ITSN1: variants seen among roughly 807,000 people sequenced by gnomAD.
ITSN1 encodes intersectin-1.
In ITSN1, 58 loss-of-function variants were observed where a neutral mutation model predicts 239.8. That is an observed-to-expected ratio of 0.24 (90% CI 0.20 to 0.30). The LOEUF (loss-of-function observed/expected upper bound fraction) is 0.30, where lower values mean the gene tolerates loss of function less well. ITSN1 is among the 10% of genes least tolerant of loss of function. ITSN1 has a pLI of 1.00. For synonymous variants in ITSN1, 780 were observed against 770.8 expected, an observed-to-expected ratio of 1.01 and a Z score of -0.20; for missense variants, 1,558 against 2,103.3, an observed-to-expected ratio of 0.74 and a Z score of 5.07.
intron 1 of ITSN1, among the ~76,000 whole-genome samples, chr21:33,692,427 G>A (rs62227745): frequency 0.26 from 39,417 of 152,074 alleles, 5,580 homozygotes; most frequent in Middle Eastern, 0.37. Flanking sequence ...GAATCAGTGG[G>A]AGTTTGCCTC....
intron 29 of ITSN1, among the ~76,000 whole-genome samples, chr21:33,853,962 T>C (rs74793893): frequency 0.025 from 3,761 of 152,306 alleles, 69 homozygotes; most frequent in African/African-American, 0.055. Flanking sequence ...TTCTTAGCTA[T>C]GCCCTGGAGG....
intron 1 of ITSN1, among the ~76,000 whole-genome samples, chr21:33,655,712 C>T (rs1010534541): frequency 6.0e-5 from 9 of 151,068 alleles, no homozygotes; most frequent in African/African-American, 1.7e-4. Context: ...GAATTACAGG[C>T]GTGAGCCACT....
intron 9 of ITSN1, 98 bp downstream of exon 9, chr21:33,762,084 A>T (rs1045367194): frequency 7.1e-6 from 6 of 841,634 alleles, no homozygotes; most frequent in Non-Finnish European, 1.2e-5. Context: ...TTTATGGGGG[A>T]ATATGTAGAA....
intron 16 of ITSN1, among the ~76,000 whole-genome samples, chr21:33,791,919 G>A (rs2071166297): frequency 6.6e-6 from 1 of 151,834 alleles, no homozygotes; most frequent in Admixed American, 6.6e-5. Flanking sequence ...TTTCTCTTCC[G>A]GCATTTCTTA....
chr21:33,829,880 C>A, intron 27 of ITSN1, 135 bp downstream of exon 27: 1 of 984,578 alleles, frequency 1.0e-6, no homozygotes, highest in Non-Finnish European at 1.5e-6. Flanking sequence ...GTGAGAGATG[C>A]CAAATTTTCT....
intron 39 of ITSN1, among the ~76,000 whole-genome samples, chr21:33,887,252 G>A (rs757269895): frequency 8.6e-5 from 13 of 151,542 alleles, no homozygotes; most frequent in Middle Eastern, 3.2e-3. Flanking sequence ...CTGGGAGGTC[G>A]AGGCTGCAGT....
intron 16 of ITSN1, among the ~76,000 whole-genome samples, chr21:33,787,790 AGCCAT>A (rs1183195522): frequency 1.3e-5 from 2 of 152,236 alleles, no homozygotes; most frequent in African/African-American, 4.8e-5. Context: ...GAATTCAAAT[AGCCAT>A]GTTGCTTTGT....
At chr21:33,682,753 C>T (rs910741073) in intron 1 of ITSN1, among the ~76,000 whole-genome samples, 1 of 152,076 alleles carries the variant, frequency 6.6e-6, no homozygotes, top group Non-Finnish European at 1.5e-5. Context: ...ATCTCCTGAC[C>T]TCAGGTGATC....
intron 31 of ITSN1, among the ~76,000 whole-genome samples, chr21:33,859,946 C>T (rs1343321450): frequency 3.3e-5 from 5 of 152,330 alleles, no homozygotes; most frequent in South Asian, 2.1e-4. Context: ...GGCTCACATC[C>T]GCTATTGCCT....
rs551779268 is a variant in ITSN1, at chr21:33,849,819, C to T, written c.3662-6917C>T. Among the ~76,000 whole-genome samples the T allele has an allele frequency of 7.2e-5, 11 of 152,176 alleles. No homozygotes were observed. The South Asian group carries it at 2.3e-3, about 32-fold the overall frequency. On this transcript the variant is annotated intron_variant, in intron 29 of 39. Transcript: ENST00000381318. ...GTACCCACAAAACTTAAAAATAAAA[C>T]AAAAACCAACAGGCTCCTCCTTCAT...
chr21:33,858,874 TC>T, intron 31 of ITSN1, 82 bp downstream of exon 31: 2 of 719,154 alleles, frequency 2.8e-6, no homozygotes, highest in Non-Finnish European at 4.8e-6. Flanking sequence ...TGTGTGTCCT[TC>T]TTGCATGCTG....
chr21:33,774,094 T>G (rs1399021225), intron 12 of ITSN1, among the ~76,000 whole-genome samples: 1 of 152,232 alleles, frequency 6.6e-6, no homozygotes, highest in Non-Finnish European at 1.5e-5. Flanking sequence ...GAGTATTTAT[T>G]CAGAATTATT....
In ITSN1 at chr21:33,795,014, T is replaced by G. The variant is rs567198535; in HGVS notation, c.1952+546T>G. ...GATATTTTTATTTTTACTTGTAACT[T>G]ACTGTAGTAAATTGTAGAAATTTGT... On this transcript the variant is annotated intron_variant, in intron 17 of 39. Transcript: ENST00000381318. Among the ~76,000 whole-genome samples the G allele has an allele frequency of 1.6e-4, 24 of 152,370 alleles. No individual in the cohort carries two copies. The South Asian group carries it at 4.6e-3, about 29-fold the overall frequency.
At chr21:33,750,480 C>CA (rs1292359026) in intron 6 of ITSN1, among the ~76,000 whole-genome samples, 158 bp downstream of exon 6, 1 of 151,830 alleles carries the variant, frequency 6.6e-6, no homozygotes, top group East Asian at 1.9e-4. Context: ...ACATTTTTTC[C>CA]ACTGTATTAA....
intron 14 of ITSN1, 100 bp from the exon 15 acceptor site, chr21:33,781,361 G>A: frequency 1.5e-6 from 1 of 688,112 alleles, no homozygotes; most frequent in South Asian, 1.8e-5. Flanking sequence ...GCAGGATTTG[G>A]GAAGAGTCTG....
At chr21:33,839,894 C>T (rs1474780926) in intron 29 of ITSN1, among the ~76,000 whole-genome samples, 3 of 152,158 alleles carry the variant, frequency 2.0e-5, no homozygotes. Context: ...AGGGATGCTG[C>T]TCCTCATCCT....
chr21:33,722,604 CTT>C lies in ITSN1; in HGVS notation c.146_147del (p.Phe49SerfsTer17). On this transcript the variant is annotated frameshift_variant, in exon 4 of 40. Transcript: ENST00000381318. LOFTEE classifies it high-confidence loss of function. Reference protein sequence around the residue: ...GFITGDQARNFFFQSGLPQPV... With the variant: ...GFITGDQARNXFFQSGLPQPV... The stretch of plus-strand genomic sequence containing the variant: ...AATTTACAGGTGATCAAGCTAGAAA[CTT>C]TTTTTTTCAATCTGGGTTACCTCAA... The C allele has an allele frequency of 6.7e-7, 1 of 1,495,970 alleles. No individual in the cohort carries two copies. The highest frequency in any genetic ancestry group is 8.9e-7 in the Non-Finnish European group (1 of 1,121,528). 92.7% of individuals were successfully genotyped at this position (1,495,970 alleles called of 1,614,324 possible). A position where few individuals can be genotyped will look rare whatever the true frequency, so the allele number is the denominator to read the frequency against.
chr21:33,858,700 C>G lies in ITSN1; in HGVS notation c.3798C>G (p.Pro1266=). The part of the protein sequence containing the change: ...LQLVTEIFQK[P]LMESELLTEK... ...TGCATCTGTAGATTTTTCAAAAACC[C>G]CTGATGGAGTCTGAGCTGCTGACAG... Residue 1266 remains proline, a synonymous_variant, in exon 31 of 40, where the codon CCC becomes CCG. Coordinates refer to ENST00000381318, the MANE Select transcript of ITSN1 (RefSeq NM_003024.3). 6.2e-7 allele frequency: 1 copy of G among 1,612,508 alleles called. No homozygotes were observed.
chr21:33,885,080 C>G lies in ITSN1; in HGVS notation c.4716C>G (p.Leu1572=). 1.2e-6 allele frequency: 2 copies of G among 1,614,150 alleles called. No individual in the cohort carries two copies. The highest frequency in any genetic ancestry group is 2.2e-5 in the South Asian group (2 of 91,060). ...WVQKIKAASE[L]YIETEKKKRE... ...AGAAAATCAAAGCTGCTTCTGAACT[C>G]TACATAGAGACTGAGAAAAAGAAGC... Residue 1572 remains leucine (L), a synonymous_variant, in exon 37 of 40, where the codon CTC becomes CTG. Transcript: ENST00000381318.
Sources: gnomAD v4.1 joint callset for allele counts (sites outside exome capture counted in the v4.1 genomes callset) on GRCh38, gnomAD v4.1.1 for gene constraint, MANE v1.5 for transcripts, NCBI Gene and HGNC (gene_info 2026-07-23, HGNC 2026-07-21) for gene names.